KIF26B: variants seen among roughly 807,000 people sequenced by gnomAD.
The protein encoded by KIF26B is kinesin-like protein KIF26B.
A neutral mutation model predicts 151.2 loss-of-function variants in KIF26B; 63 were observed. The ratio of observed to expected loss-of-function variants is 0.42; its 90% CI spans 0.34 to 0.51. KIF26B has a LOEUF of 0.51. Among genes scored for constraint, KIF26B ranks in the 20% least tolerant of loss-of-function variants. The pLI is 0.07. For missense variants in KIF26B, 2,813 were observed against 2,913.6 expected (o/e 0.97, Z 0.79); for synonymous variants, 1,357 against 1,262.1 (o/e 1.08, Z -1.59).
chr1:245,677,847 A>G (rs1396591710), intron 10 of KIF26B, among the ~76,000 whole-genome samples: 2 of 152,262 alleles, frequency 1.3e-5, no homozygotes, highest in East Asian at 3.8e-4. Context: ...CAACACTGTC[A>G]GAAATAATAA....
chr1:245,581,926 G>GAGGAAAGGAAGGA (rs59481342), intron 5 of KIF26B, among the ~76,000 whole-genome samples: 3,833 of 142,386 alleles, frequency 0.027, 67 homozygotes, highest in Middle Eastern at 0.076. Context: ...AAGAGAGAAA[G>GAGGAAAGGAAGGA]AGGAAGGAAG....
intron 2 of KIF26B, among the ~76,000 whole-genome samples, chr1:245,259,126 T>G (rs1393913842): frequency 6.6e-6 from 1 of 152,248 alleles, no homozygotes; most frequent in East Asian, 1.9e-4. Flanking sequence ...GGCTGCATTC[T>G]GCTTATCACT....
rs139424359 is a variant in KIF26B, at chr1:245,171,267, C to T, written c.465+14584C>T. On this transcript the variant is annotated intron_variant, in intron 2 of 14. Transcript: ENST00000407071. ...TCTTTAATAATTCTTACATGGGGCC[C>T]GCACGGTGGCTCACGCCTGTAATCC... 3.5e-3 allele frequency among the ~76,000 whole-genome samples: 527 copies of T among 152,240 alleles called. 1 individual carries two copies. Among genetic ancestry groups the T allele is most frequent in the Non-Finnish European group, 5.0e-3 (343 of 67,996 alleles).
chr1:245,388,516 A>G (rs1201754875), intron 3 of KIF26B, among the ~76,000 whole-genome samples: 2 of 152,182 alleles, frequency 1.3e-5, no homozygotes, highest in Non-Finnish European at 2.9e-5. Flanking sequence ...GATAATGACT[A>G]TGTTAATTAA....
At chr1:245,377,380 A>G (rs771428023) in intron 3 of KIF26B, among the ~76,000 whole-genome samples, 10 of 151,920 alleles carry the variant, frequency 6.6e-5, no homozygotes. Context: ...CATCCCTCCA[A>G]TCTCTGCCTT....
chr1:245,466,064 C>T (rs1289708377), intron 4 of KIF26B, among the ~76,000 whole-genome samples: 1 of 152,230 alleles, frequency 6.6e-6, no homozygotes, highest in East Asian at 1.9e-4. Flanking sequence ...GTGGGCCCTG[C>T]TGCTCAGAAA....
intron 4 of KIF26B, among the ~76,000 whole-genome samples, chr1:245,447,400 C>T (rs72761195): frequency 6.6e-6 from 1 of 152,114 alleles, no homozygotes; most frequent in African/African-American, 2.4e-5. Flanking sequence ...CTGCTATGGT[C>T]TGAATGTTGG....
intron 4 of KIF26B, chr1:245,510,882 T>C (rs983197102): frequency 1.5e-4 from 85 of 579,940 alleles, no homozygotes; most frequent in Non-Finnish European, 2.4e-4. Flanking sequence ...GATCATGGTT[T>C]AGCCAAAGGC....
chr1:245,211,932 TCTGCCCGACTGCTC>T (rs1669543030), intron 2 of KIF26B, among the ~76,000 whole-genome samples: 1 of 152,184 alleles, frequency 6.6e-6, no homozygotes. Context: ...GGCAGTGGGC[TCTGCCCGACTGCTC>T]CTCAGCGGGG....
intron 3 of KIF26B, among the ~76,000 whole-genome samples, chr1:245,407,180 G>C (rs1674155232): frequency 6.6e-6 from 1 of 152,136 alleles, no homozygotes; most frequent in African/African-American, 2.4e-5. Flanking sequence ...TCATCTTCTG[G>C]TGCCCCAGAG....
intron 2 of KIF26B, among the ~76,000 whole-genome samples, chr1:245,353,047 G>T (rs1363354801): frequency 6.6e-6 from 1 of 152,216 alleles, no homozygotes; most frequent in African/African-American, 2.4e-5. Flanking sequence ...AGTAGACAAT[G>T]TATATGAATT....
chr1:245,592,911 T>G (rs2043303332), intron 5 of KIF26B, among the ~76,000 whole-genome samples: 1 of 152,154 alleles, frequency 6.6e-6, no homozygotes, highest in Non-Finnish European at 1.5e-5. Context: ...CTTTGTAAAA[T>G]ATGTTTAAAA....
chr1:245,511,096 T>C (rs1321982622), intron 4 of KIF26B: 24 of 717,324 alleles, frequency 3.3e-5, no homozygotes, highest in Admixed American at 6.0e-5. Context: ...TATTTAGCCA[T>C]GACTTATCAA....
At chr1:245,176,326 CAT>C (rs772903352) in intron 2 of KIF26B, among the ~76,000 whole-genome samples, 2 of 152,096 alleles carry the variant, frequency 1.3e-5, no homozygotes, top group Non-Finnish European at 2.9e-5. Context: ...GCCTTCAAAA[CAT>C]ATTTGTTTAG....
intron 4 of KIF26B, among the ~76,000 whole-genome samples, chr1:245,471,608 G>A (rs1410837899): frequency 1.3e-5 from 2 of 151,944 alleles, no homozygotes; most frequent in South Asian, 2.1e-4. Flanking sequence ...TAATAAAAAC[G>A]TACTCATGAG....
intron 4 of KIF26B, among the ~76,000 whole-genome samples, chr1:245,458,163 G>C (rs1430833245): frequency 6.6e-6 from 1 of 152,130 alleles, no homozygotes; most frequent in African/African-American, 2.4e-5. Flanking sequence ...AGAACTTGAG[G>C]ATCTTGGCCA....
intron 2 of KIF26B, among the ~76,000 whole-genome samples, chr1:245,362,045 A>G (rs1189342214): frequency 6.6e-6 from 1 of 151,606 alleles, no homozygotes; most frequent in Non-Finnish European, 1.5e-5. Context: ...AACAGGAATC[A>G]AGGACACTGA....
At chr1:245,520,558 A>G (rs1402275241) in intron 4 of KIF26B, among the ~76,000 whole-genome samples, 1 of 149,556 alleles carries the variant, frequency 6.7e-6, no homozygotes, top group African/African-American at 2.5e-5. Context: ...TCATCCATCC[A>G]TCCACCCATT....
Position 245,227,063 on chromosome 1 carries a change from C to T in KIF26B, c.465+70380C>T, listed in dbSNP as rs1301408096. Among the ~76,000 whole-genome samples the T allele has an allele frequency of 6.6e-6, 1 of 152,170 alleles. No individual in the cohort carries two copies. Among genetic ancestry groups the T allele is most frequent in the Non-Finnish European group, 1.5e-5 (1 of 68,022 alleles). ...GGGAATGGTGCACCATTCACTCAGTCCACCCCTAGCACGGGCCAGTCCTAT... is the reference window on the plus strand; with the variant it reads ...GGGAATGGTGCACCATTCACTCAGTTCACCCCTAGCACGGGCCAGTCCTAT... On this transcript the variant is annotated intron_variant, in intron 2 of 14. Coordinates refer to ENST00000407071, the MANE Select transcript of KIF26B (RefSeq NM_018012.4). The surrounding 1 kb of genome is among the most constrained non-coding windows in gnomAD (Gnocchi z 4.1).
Sources: gnomAD v4.1 joint callset for allele counts (sites outside exome capture counted in the v4.1 genomes callset) on GRCh38, gnomAD v4.1.1 for gene constraint, Gnocchi (gnomAD v3.1) non-coding constraint, MANE v1.5 for transcripts, NCBI Gene and HGNC (gene_info 2026-07-23, HGNC 2026-07-21) for gene names.